The following DNASE1 variants were observed in gnomAD, a reference collection of about 807,000 sequenced individuals.
DNASE1 encodes the protein deoxyribonuclease 1.
Under a neutral mutation model 33.9 loss-of-function variants are expected in DNASE1, and 40 were observed. The observed-to-expected ratio is 1.18, with a 90% CI of 0.92 to 1.54. The LOEUF is 1.54. DNASE1 is among the 40% of genes most tolerant of loss of function. The probability of loss-of-function intolerance (pLI) is 0.00; values close to 1 mark genes in which losing one functional copy is unlikely to be tolerated. For synonymous variants in DNASE1, 216 were observed against 160.0 expected (o/e 1.35, Z -2.64); for missense variants, 518 against 372.6 (o/e 1.39, Z -3.21).
upstream of DNASE1, chr16:3,653,017 G>GGA (rs2042388083): frequency 6.6e-6 from 1 of 152,276 alleles, no homozygotes; most frequent in African/African-American, 2.4e-5. Flanking sequence ...AAAGATAGCT[G>GGA]TGCCCTAGCC....
chr16:3,612,629 C>T (rs1057019641), intron 1 of DNASE1, among the ~76,000 whole-genome samples: 2 of 147,350 alleles, frequency 1.4e-5, no homozygotes, highest in African/African-American at 5.1e-5. Flanking sequence ...AGGCTGGTCT[C>T]GAGCCCTGGC....
At chr16:3,628,235 A>G (rs555973454) in intron 1 of DNASE1, among the ~76,000 whole-genome samples, 1 of 152,162 alleles carries the variant, frequency 6.6e-6, no homozygotes, top group African/African-American at 2.4e-5. Flanking sequence ...TTCCTTTTCA[A>G]ATTGTTCAGT....
At chr16:3,621,062 T>C (rs2041293954) in intron 1 of DNASE1, among the ~76,000 whole-genome samples, 1 of 152,142 alleles carries the variant, frequency 6.6e-6, no homozygotes, top group East Asian at 1.9e-4. Flanking sequence ...CCTCCCAAAG[T>C]GCTGGGATTA....
intron 1 of DNASE1, 61 bp from the exon 2 acceptor site, chr16:3,655,312 A>G: frequency 6.2e-7 from 1 of 1,607,986 alleles, no homozygotes; most frequent in African/African-American, 1.3e-5. Flanking sequence ...AGAAGGCTGG[A>G]GTGCTGTGGC....
chr16:3,653,011 A>G (rs900030411), upstream of DNASE1: 2 of 152,248 alleles, frequency 1.3e-5, no homozygotes, highest in Non-Finnish European at 2.9e-5. Flanking sequence ...GGCTCAAAAG[A>G]TAGCTGTGCC....
chr16:3,623,436 C>CTT (rs2041393653), intron 1 of DNASE1, among the ~76,000 whole-genome samples: 1 of 152,094 alleles, frequency 6.6e-6, no homozygotes, highest in Non-Finnish European at 1.5e-5. Flanking sequence ...GAATATATGA[C>CTT]TAAGACCTCA....
Position 3,656,992 on chromosome 16 carries a change from T to A in DNASE1, c.437-7T>A, listed in dbSNP as rs751277123. On this transcript the variant is annotated splice_region_variant and splice_polypyrimidine_tract_variant and intron_variant, in intron 5 of 8. Coordinates refer to ENST00000246949, the MANE Select transcript of DNASE1 (RefSeq NM_005223.4). The stretch of plus-strand genomic sequence containing the variant: ...GTGTGCCTCACACGACGTGGCTGTC[T>A]CCACAGAGGTCAGGGAGTTTGCCAT... The A allele has an allele frequency of 2.7e-5, 44 of 1,613,070 alleles. No homozygotes were observed.
intron 1 of DNASE1, among the ~76,000 whole-genome samples, chr16:3,635,105 C>T (rs1245632764): frequency 2.0e-5 from 3 of 152,112 alleles, no homozygotes; most frequent in Non-Finnish European, 1.5e-5. Flanking sequence ...GAGGCATGCA[C>T]CACCATGCCT....
chr16:3,644,394 C>G (rs2042109499), intron 1 of DNASE1, among the ~76,000 whole-genome samples: 1 of 152,156 alleles, frequency 6.6e-6, no homozygotes, highest in Admixed American at 6.5e-5. Context: ...AAAACCTTCT[C>G]TCTACTAAAA....
intron 1 of DNASE1, among the ~76,000 whole-genome samples, chr16:3,636,240 CTTT>C (rs2041864310): frequency 7.8e-6 from 1 of 127,972 alleles, no homozygotes; most frequent in African/African-American, 3.7e-5. Flanking sequence ...GCATTCTTCA[CTTT>C]TCTTAGTTTT....
chr16:3,659,682 A>G (rs1217184090), downstream of DNASE1: 1 of 152,128 alleles, frequency 6.6e-6, no homozygotes, highest in Non-Finnish European at 1.5e-5. Context: ...GGAAAACCAC[A>G]TGTGGATGAT....
intron 1 of DNASE1, among the ~76,000 whole-genome samples, chr16:3,619,666 T>C (rs2151159322): frequency 6.6e-6 from 1 of 151,566 alleles, no homozygotes; most frequent in South Asian, 2.1e-4. Flanking sequence ...TGGCCGCCTG[T>C]AGGTAATTAA....
downstream of DNASE1, chr16:3,660,134 G>A (rs1011896565): frequency 2.6e-5 from 4 of 152,176 alleles, no homozygotes; most frequent in Non-Finnish European, 5.9e-5. Flanking sequence ...GTTACCCTAA[G>A]GGAGAAAAGC....
chr16:3,635,234 GA>G (rs1481223146), intron 1 of DNASE1, among the ~76,000 whole-genome samples: 3 of 151,990 alleles, frequency 2.0e-5, no homozygotes, highest in Admixed American at 6.6e-5. Context: ...GAGGCAGATG[GA>G]TCGCTTGAGG....
downstream of DNASE1, chr16:3,663,064 C>A: frequency 1.1e-6 from 1 of 928,792 alleles, no homozygotes; most frequent in East Asian, 2.6e-5. Context: ...CACCTCCTCT[C>A]CCACCAGGAT....
At position 3,620,518 on chromosome 16, in the gene DNASE1, CAAA is replaced by C. The variant is rs747025420; in HGVS notation, c.-1359+8525_-1359+8527del. ...TGGGTGACAGAGTGAGACCCTGTCT[CAAA>C]AAAAAAAAAAAAGTAATTATACTAT... On this transcript the variant is annotated intron_variant and NMD_transcript_variant, in intron 1 of 11. Transcript: ENST00000570769. Among the ~76,000 whole-genome samples, 51 of 95,650 alleles carry C rather than the reference CAAA, an allele frequency of 5.3e-4. 2 individuals carry two copies. The East Asian group carries it at 0.011, about 21-fold the overall frequency. 62.8% of individuals were successfully genotyped at this position (95,650 alleles called of 152,430 possible).
chr16:3,664,072 AAAAAC>A, exon 10 of DNASE1: 1 of 574,338 alleles, frequency 1.7e-6, no homozygotes, highest in South Asian at 2.8e-5. Flanking sequence ...CAAAAAAACA[AAAAAC>A]AAACAAAAAA....
rs2042657542 is a variant in DNASE1 at position 3,656,628 on chromosome 16, C to T, written c.321-10C>T. Reference sequence around the variant, plus strand: ...CTGGGGTCACCTCCTCCTGCCCGGCCTTCCCGCAGGCCTGACCAGGTGTCT... The same window carrying T: ...CTGGGGTCACCTCCTCCTGCCCGGCTTTCCCGCAGGCCTGACCAGGTGTCT... On this transcript the variant is annotated splice_polypyrimidine_tract_variant and intron_variant, in intron 4 of 8. Transcript: ENST00000246949. The T allele has an allele frequency of 1.2e-6, 2 of 1,604,888 alleles. No homozygotes were observed. The highest frequency in any genetic ancestry group is 1.1e-5 in the South Asian group (1 of 89,524).
chr16:3,655,393 T>C lies in DNASE1; in HGVS notation c.20T>C (p.Leu7Pro). Residue 7 changes from leucine to proline, a missense_variant, in exon 2 of 9, where the codon CTG (leucine) becomes CCG (proline). Coordinates refer to ENST00000246949, the MANE Select transcript of DNASE1 (RefSeq NM_005223.4). MRGMKLLGALLALAALL... is the reference protein window; with the variant it reads MRGMKLPGALLALAALL... ...CCCAGGATGAGGGGCATGAAGCTGC[T>C]GGGGGCGCTGCTGGCACTGGCGGCC... 1 of 1,614,130 alleles carries C rather than the reference T, an allele frequency of 6.2e-7. No homozygotes were observed. Among genetic ancestry groups the C allele is most frequent in the Non-Finnish European group, 8.5e-7 (1 of 1,180,016 alleles).
Sources: gnomAD v4.1 joint callset for allele counts (sites outside exome capture counted in the v4.1 genomes callset) on GRCh38, gnomAD v4.1.1 for gene constraint, MANE v1.5 for transcripts, NCBI Gene and HGNC (gene_info 2026-07-23, HGNC 2026-07-21) for gene names.